The following CHODL variants were observed in gnomAD, a reference collection of about 807,000 sequenced individuals.
CHODL encodes the protein transmembrane protein MT75.
In CHODL, 29 loss-of-function variants were observed where a neutral mutation model predicts 34.5. The ratio of observed to expected loss-of-function variants is 0.84; its 90% CI spans 0.63 to 1.15. The LOEUF is 1.15. CHODL is among the 50% of genes most tolerant of loss of function. The probability of loss-of-function intolerance (pLI) is 0.00; values close to 1 mark genes in which losing one functional copy is unlikely to be tolerated. For missense variants in CHODL, 332 were observed against 332.5 expected, an observed-to-expected ratio of 1.00 and a Z score of 0.01; for synonymous variants, 125 against 116.1, an observed-to-expected ratio of 1.08 and a Z score of -0.49.
intron 2 of CHODL, among the ~76,000 whole-genome samples, chr21:18,113,343 T>TC (rs551133582): frequency 0.02 from 1,000 of 50,916 alleles, 29 homozygotes; most frequent in Admixed American, 0.13. Context: ...GAGGACAGTC[T>TC]GGGGGACCTC....
rs2074173125 is a variant in CHODL at position 18,248,591 on chromosome 21, T to C, written c.79+3289T>C. On this transcript the variant is annotated intron_variant, in intron 1 of 5. Transcript: ENST00000299295. Reference sequence around the variant, plus strand: ...TATAAAAGGTAATGTATTTTATATATATATATAAAATATATGTATAATACA... The same window carrying C: ...TATAAAAGGTAATGTATTTTATATACATATATAAAATATATGTATAATACA... 2.2e-5 allele frequency among the ~76,000 whole-genome samples: 3 copies of C among 137,152 alleles called. No homozygotes were observed. The South Asian group carries it at 6.4e-4, about 29-fold the overall frequency. 90.0% of individuals were successfully genotyped at this position (137,152 alleles called of 152,430 possible). A position where few individuals can be genotyped will look rare whatever the true frequency, so the allele number is the denominator to read the frequency against.
At chr21:18,213,377 C>T (rs2146726328) in intron 2 of CHODL, among the ~76,000 whole-genome samples, 1 of 152,218 alleles carries the variant, frequency 6.6e-6, no homozygotes, top group South Asian at 2.1e-4. Flanking sequence ...AGGTACTGAA[C>T]ATTTTCTCTT....
At chr21:17,993,680 G>A (rs188712738) in intron 1 of CHODL, among the ~76,000 whole-genome samples, 25 of 152,274 alleles carry the variant, frequency 1.6e-4, no homozygotes, top group African/African-American at 6.0e-4. Flanking sequence ...ATGAACATAC[G>A]TGTGCATATG....
At chr21:18,179,017 C>T (rs2073349696) in intron 2 of CHODL, among the ~76,000 whole-genome samples, 1 of 151,998 alleles carries the variant, frequency 6.6e-6, no homozygotes, top group Admixed American at 6.6e-5. Flanking sequence ...TTTCCAAAAC[C>T]CTTTCTTCTG....
intron 2 of CHODL, among the ~76,000 whole-genome samples, chr21:18,073,919 C>T: frequency 6.6e-6 from 1 of 152,036 alleles, no homozygotes; most frequent in African/African-American, 2.4e-5. Context: ...TTTTAAAAAA[C>T]AGTTAAAAAT....
intron 2 of CHODL, among the ~76,000 whole-genome samples, chr21:18,084,484 G>A (rs2064979427): frequency 6.6e-6 from 1 of 152,114 alleles, no homozygotes; most frequent in South Asian, 2.1e-4. Context: ...AACTCACAGA[G>A]AAAAATTTTA....
At chr21:18,162,906 G>T (rs1469795926) in intron 2 of CHODL, among the ~76,000 whole-genome samples, 1 of 152,160 alleles carries the variant, frequency 6.6e-6, no homozygotes, top group African/African-American at 2.4e-5. Flanking sequence ...CTCCTGAGCA[G>T]CTGGGACTGC....
chr21:18,262,789 AGGTAT>A lies in CHODL; in HGVS notation c.635-1_638del, dbSNP rs2074398217. On this transcript the variant is annotated splice_acceptor_variant and coding_sequence_variant, in exon 5 of 6. Transcript: ENST00000299295. LOFTEE classifies it high-confidence loss of function. ...TCACATGAAGACTGTTTTATTTTGTAGGTATAATTCCCAATCTAATTTATGTTGTT... is the reference window on the plus strand; with the variant it reads ...TCACATGAAGACTGTTTTATTTTGTAAATTCCCAATCTAATTTATGTTGTT... 6.8e-6 allele frequency: 10 copies of A among 1,476,748 alleles called. No homozygotes were observed. The highest frequency in any genetic ancestry group is 9.5e-6 in the Non-Finnish European group (10 of 1,057,982). 91.5% of individuals were successfully genotyped at this position (1,476,748 alleles called of 1,614,324 possible).
chr21:18,206,599 T>A (rs1294874018), intron 2 of CHODL, among the ~76,000 whole-genome samples: 1 of 151,940 alleles, frequency 6.6e-6, no homozygotes, highest in Non-Finnish European at 1.5e-5. Context: ...TATTTTTTTT[T>A]AATTCAGTCA....
At chr21:18,264,478 G>A (rs1249158796) in intron 5 of CHODL, among the ~76,000 whole-genome samples, 2 of 151,414 alleles carry the variant, frequency 1.3e-5, no homozygotes, top group African/African-American at 4.9e-5. Context: ...GGCGGGCGCC[G>A]ATAATCCCAG....
chr21:18,163,488 G>A (rs1227318362), intron 2 of CHODL, among the ~76,000 whole-genome samples: 4 of 152,078 alleles, frequency 2.6e-5, no homozygotes, highest in Admixed American at 2.0e-4. Context: ...ATATTTGACA[G>A]GGAAGCTCTT....
chr21:18,144,695 C>G (rs1185424733), intron 2 of CHODL, among the ~76,000 whole-genome samples: 1 of 151,766 alleles, frequency 6.6e-6, no homozygotes, highest in Non-Finnish European at 1.5e-5. Context: ...TGTTTCTTAC[C>G]TCTTCCCTGG....
chr21:18,092,355 A>C (rs2065084369), intron 2 of CHODL, among the ~76,000 whole-genome samples: 1 of 152,208 alleles, frequency 6.6e-6, no homozygotes, highest in South Asian at 2.1e-4. Flanking sequence ...TTCCCAAGAA[A>C]GACAGGCACA....
At chr21:17,995,187 C>G (rs2063837038) in intron 1 of CHODL, among the ~76,000 whole-genome samples, 2 of 152,064 alleles carry the variant, frequency 1.3e-5, no homozygotes. Flanking sequence ...CTGGTGGGGA[C>G]TGGGCTCTCA....
intron 2 of CHODL, among the ~76,000 whole-genome samples, chr21:18,045,554 G>A (rs558694373): frequency 6.6e-6 from 1 of 152,026 alleles, no homozygotes; most frequent in Middle Eastern, 3.4e-3. Context: ...AGTCTTTGGA[G>A]AAAGCATGGC....
At chr21:18,138,839 C>T (rs2072768335) in intron 2 of CHODL, among the ~76,000 whole-genome samples, 1 of 152,064 alleles carries the variant, frequency 6.6e-6, no homozygotes, top group Non-Finnish European at 1.5e-5. Context: ...TGCAGTTCAT[C>T]TCTGATGAAA....
intron 2 of CHODL, among the ~76,000 whole-genome samples, chr21:18,043,200 G>T (rs1488591750): frequency 6.6e-6 from 1 of 151,890 alleles, no homozygotes; most frequent in Non-Finnish European, 1.5e-5. Flanking sequence ...CTCATTGCAG[G>T]GCTAGCCTCA....
At chr21:17,933,550 G>T (rs1451288277) in intron 1 of CHODL, among the ~76,000 whole-genome samples, 2 of 152,164 alleles carry the variant, frequency 1.3e-5, no homozygotes. Flanking sequence ...AGAGCACGGG[G>T]TTGGGGTAAG....
At chr21:18,082,302 C>A (rs1465916714) in intron 2 of CHODL, among the ~76,000 whole-genome samples, 1 of 152,188 alleles carries the variant, frequency 6.6e-6, no homozygotes, top group African/African-American at 2.4e-5. Flanking sequence ...TCATGCTTCC[C>A]ATTAAGCCTG....
Sources: allele counts gnomAD v4.1 joint callset (sites outside exome capture counted in the v4.1 genomes callset), GRCh38; gene constraint gnomAD v4.1.1; transcripts MANE v1.5; gene names NCBI Gene and HGNC (gene_info 2026-07-23, HGNC 2026-07-21).